VPS13C: variants seen among roughly 807,000 people sequenced by gnomAD.
The protein encoded by VPS13C is intermembrane lipid transfer protein VPS13C.
Under a neutral mutation model 456.8 loss-of-function variants are expected in VPS13C, and 358 were observed. The observed-to-expected ratio is 0.78, with a 90% CI of 0.72 to 0.86. VPS13C has a LOEUF of 0.86. Among genes scored for constraint, VPS13C ranks in the 40% least tolerant of loss-of-function variants. The probability of loss-of-function intolerance (pLI) is 0.00; values close to 1 mark genes in which losing one functional copy is unlikely to be tolerated. For synonymous variants in VPS13C, 1,578 were observed against 1,486.7 expected (o/e 1.06, Z -1.41); for missense variants, 4,818 against 4,385.4 (o/e 1.10, Z -2.79).
intron 67 of VPS13C, among the ~76,000 whole-genome samples, chr15:61,885,251 T>G (rs953666259): frequency 6.6e-6 from 1 of 152,238 alleles, no homozygotes; most frequent in African/African-American, 2.4e-5. Context: ...TAAGCACTGT[T>G]TGTCTTCTAA....
intron 37 of VPS13C, among the ~76,000 whole-genome samples, chr15:61,958,396 G>GA (rs1308240770): frequency 2.6e-5 from 4 of 152,028 alleles, no homozygotes; most frequent in African/African-American, 4.8e-5. Flanking sequence ...ACGCAACTTA[G>GA]AAAAAAGTCC....
intron 50 of VPS13C, 101 bp downstream of exon 50, chr15:61,930,989 A>C: frequency 7.3e-7 from 1 of 1,362,170 alleles, no homozygotes; most frequent in Non-Finnish European, 1.0e-6. Flanking sequence ...ACCAAAAGAC[A>C]GAGATCTTTT....
intron 65 of VPS13C, among the ~76,000 whole-genome samples, 168 bp from the exon 66 acceptor site, chr15:61,907,558 G>A (rs1172196303): frequency 6.6e-6 from 1 of 152,112 alleles, no homozygotes; most frequent in Non-Finnish European, 1.5e-5. Flanking sequence ...ATAAACTCAT[G>A]GTTTTTAAGC....
In VPS13C at chr15:61,856,266, G is replaced by T. The variant is rs1363723025; in HGVS notation, c.11076+20C>A. The T allele has an allele frequency of 6.2e-7, 1 of 1,612,056 alleles. No individual in the cohort carries two copies. The highest frequency in any genetic ancestry group is 1.1e-5 in the South Asian group (1 of 90,796). On this transcript the variant is annotated intron_variant, in intron 83 of 84. Coordinates refer to ENST00000644861, the MANE Select transcript of VPS13C (RefSeq NM_020821.3). ...AAAGCAATGAACTCTTAGCTCTAAAGGTGTGACATGTTTTCTTACCTTAAC... is the reference window on the plus strand; with the variant it reads ...AAAGCAATGAACTCTTAGCTCTAAATGTGTGACATGTTTTCTTACCTTAAC...
At chr15:61,881,940 G>A (rs1162194106) in intron 69 of VPS13C, 112 bp from the exon 70 acceptor site, 3 of 901,604 alleles carry the variant, frequency 3.3e-6, no homozygotes, top group Non-Finnish European at 3.3e-6. Flanking sequence ...GTGTCTGCGT[G>A]TATATGCGGT....
intron 26 of VPS13C, among the ~76,000 whole-genome samples, chr15:61,973,112 C>T (rs187835095): frequency 2.8e-4 from 43 of 152,204 alleles, no homozygotes; most frequent in Admixed American, 2.7e-3. Flanking sequence ...ATGGTCCTGT[C>T]CTGATGAAGC....
rs536378471 is a variant in VPS13C at position 61,918,690 on chromosome 15, T to A, written c.7639-433A>T. Among the ~76,000 whole-genome samples, 52 of 152,138 alleles carry A rather than the reference T, an allele frequency of 3.4e-4. 1 individual carries two copies. The highest frequency in any genetic ancestry group is 1.2e-3 in the African/African-American group (49 of 41,548). ...ACGCATTGGAGCAAATAACAAACTATAAGATAACAATGTCCAAAATTTGAA... is the reference window on the plus strand; with the variant it reads ...ACGCATTGGAGCAAATAACAAACTAAAAGATAACAATGTCCAAAATTTGAA... On this transcript the variant is annotated intron_variant, in intron 58 of 84. Coordinates refer to ENST00000644861, the MANE Select transcript of VPS13C (RefSeq NM_020821.3).
chr15:61,950,563 AAAAAC>A, intron 40 of VPS13C, 146 bp from the exon 41 acceptor site: 22 of 674,754 alleles, frequency 3.3e-5, no homozygotes, highest in Middle Eastern at 4.1e-4. Context: ...TTCAAAAAAA[AAAAAC>A]AAAAACAAAC....
In VPS13C at chr15:61,978,382, T is replaced by C. The variant is rs114597899; in HGVS notation, c.2290+244A>G. On this transcript the variant is annotated intron_variant, in intron 23 of 84. Transcript: ENST00000644861. ...ATAGTCACATTACAAAAACATAGGCTATGAATAGGCTTAGATTGAAATGGA... is the reference window on the plus strand; with the variant it reads ...ATAGTCACATTACAAAAACATAGGCCATGAATAGGCTTAGATTGAAATGGA... Among the ~76,000 whole-genome samples, 1,224 of 152,292 alleles carry C rather than the reference T, an allele frequency of 8.0e-3. 12 individuals are homozygous for C. The highest frequency in any genetic ancestry group is 0.028 in the African/African-American group (1,175 of 41,576).
At chr15:61,894,660 T>C (rs1195397518) in intron 66 of VPS13C, among the ~76,000 whole-genome samples, 3 of 151,964 alleles carry the variant, frequency 2.0e-5, no homozygotes, top group Non-Finnish European at 4.4e-5. Context: ...TATATAATGA[T>C]AAAGAGGTCA....
intron 47 of VPS13C, among the ~76,000 whole-genome samples, chr15:61,937,937 C>T (rs1025067180): frequency 2.0e-5 from 3 of 152,140 alleles, no homozygotes; most frequent in Non-Finnish European, 4.4e-5. Context: ...AGGCCTGTTT[C>T]AAGTACTTAC....
intron 2 of VPS13C, among the ~76,000 whole-genome samples, chr15:62,042,920 A>AT (rs1555451069): frequency 6.7e-6 from 1 of 150,318 alleles, no homozygotes; most frequent in African/African-American, 2.4e-5. Context: ...TATAATAAAA[A>AT]ATATATATAT....
intron 20 of VPS13C, 135 bp downstream of exon 20, chr15:61,983,685 G>T: frequency 9.8e-7 from 1 of 1,022,622 alleles, no homozygotes; most frequent in Non-Finnish European, 1.4e-6. Context: ...TACTGCTTTT[G>T]AAACAAGAAA....
chr15:61,919,350 A>G lies in VPS13C; in HGVS notation c.7577T>C (p.Val2526Ala). The G allele has an allele frequency of 6.2e-7, 1 of 1,606,204 alleles. No homozygotes were observed. Among genetic ancestry groups the G allele is most frequent in the Non-Finnish European group, 8.5e-7 (1 of 1,176,732 alleles). Reference protein sequence around the residue: ...RNPNASHSDSVLVQIDATEGN... With the variant: ...RNPNASHSDSALVQIDATEGN... Reference sequence around the variant, plus strand: ...TTCAGTTGCATCAATTTGTACCAAGACAGAGTCAGAATGACTGGCATTGGG... The same window carrying G: ...TTCAGTTGCATCAATTTGTACCAAGGCAGAGTCAGAATGACTGGCATTGGG... The change falls in exon 58 of 85, where the codon GTC becomes GCC. Residue 2526 changes from valine (V) to alanine (A), a missense_variant. This residue lies in a region of VPS13C where 4,552 missense variants were observed against 4,130.6 expected (regional missense o/e 1.10). Coordinates refer to ENST00000644861, the MANE Select transcript of VPS13C (RefSeq NM_020821.3).
Position 62,060,388 on chromosome 15 carries a change from C to T in VPS13C, c.-14G>A, listed in dbSNP as rs546200795. 5 of 1,504,694 alleles carry T rather than the reference C, an allele frequency of 3.3e-6. No homozygotes were observed. In the African/African-American group the frequency reaches 5.7e-5, roughly 17 times the overall value. The allele number at this position is 1,504,694 out of a possible 1,614,324, so 93.2% of individuals were successfully genotyped here. A position where few individuals can be genotyped will look rare whatever the true frequency, so the allele number is the denominator to read the frequency against. ...CTCCAGCACCATGGTGGCGCTGAGG[C>T]ACAAGGAGAGGGAGGAGCCGGAACC... On this transcript the variant is annotated 5_prime_UTR_variant, in exon 1 of 85. Transcript: ENST00000644861.
In VPS13C at chr15:61,871,986, T is replaced by C; in HGVS notation, c.10624+3A>G. ...GTAAAGGAAGGAAATATTTTCAACA[T>C]ACCTTCCACAGGTTTTGTTATTATT... is the stretch of plus-strand genomic sequence containing the variant. On this transcript the variant is annotated splice_donor_region_variant and intron_variant, in intron 79 of 84. Transcript: ENST00000644861. 4.3e-6 allele frequency: 7 copies of C among 1,611,372 alleles called. No homozygotes were observed. Among genetic ancestry groups the C allele is most frequent in the Non-Finnish European group, 5.9e-6 (7 of 1,178,572 alleles).
At position 61,940,745 on chromosome 15, in the gene VPS13C, G is replaced by T. The variant is rs1567027938; in HGVS notation, c.5503C>A (p.Pro1835Thr). 1 of 1,613,460 alleles carries T rather than the reference G, an allele frequency of 6.2e-7. No homozygotes were observed. The highest frequency in any genetic ancestry group is 2.2e-5 in the East Asian group (1 of 44,842). ...LPQNDIEILK[P>T]VNMLLSIQRN... ...TGTATGGACAAAAGCATGTTGACTG[G>T]TTTTAAAATTTCAATGTCATTTTGT... is the stretch of plus-strand genomic sequence containing the variant. Residue 1835 changes from proline to threonine, a missense_variant, in exon 47 of 85, where the codon CCA becomes ACA. Pro to Thr is a conservative substitution (Grantham distance 38). Coordinates refer to ENST00000644861, the MANE Select transcript of VPS13C (RefSeq NM_020821.3).
chr15:61,919,353 G>C lies in VPS13C; in HGVS notation c.7574C>G (p.Ser2525Cys). The C allele has an allele frequency of 1.2e-6, 2 of 1,605,498 alleles. No individual in the cohort carries two copies. The highest frequency in any genetic ancestry group is 1.7e-6 in the Non-Finnish European group (2 of 1,176,476). Residue 2525 changes from serine (S) to cysteine (C), a missense_variant, in exon 58 of 85, where the codon TCT becomes TGT. By Grantham distance (112) the Ser-to-Cys change is moderately radical. Coordinates refer to ENST00000644861, the MANE Select transcript of VPS13C (RefSeq NM_020821.3). ...VRNPNASHSD[S>C]VLVQIDATEG... ...AGTTGCATCAATTTGTACCAAGACAGAGTCAGAATGACTGGCATTGGGATT... is the reference window on the plus strand; with the variant it reads ...AGTTGCATCAATTTGTACCAAGACACAGTCAGAATGACTGGCATTGGGATT...
At chr15:62,010,033 CAA>C (rs925918493) in intron 13 of VPS13C, among the ~76,000 whole-genome samples, 2 of 151,406 alleles carry the variant, frequency 1.3e-5, no homozygotes, top group African/African-American at 4.9e-5. Context: ...TAAAAAAATA[CAA>C]AAAAAATAGC....
Sources: gnomAD v4.1 joint callset for allele counts (sites outside exome capture counted in the v4.1 genomes callset) on GRCh38, gnomAD v4.1.1 for gene constraint, gnomAD v4.1.1 regional missense constraint, MANE v1.5 for transcripts, NCBI Gene and HGNC (gene_info 2026-07-23, HGNC 2026-07-21) for gene names.